The following ERCC4 variants were observed in gnomAD, a reference collection of about 807,000 sequenced individuals.
ERCC4 encodes ERCC excision repair 4, endonuclease catalytic subunit, also known as DNA repair endonuclease XPF.
In ERCC4, 65 loss-of-function variants were observed where a neutral mutation model predicts 76.9. The observed-to-expected ratio is 0.84, with a 90% CI of 0.69 to 1.04. ERCC4 has a LOEUF of 1.04. ERCC4 is among the 50% of genes least tolerant of loss of function. The probability of loss-of-function intolerance (pLI) is 0.00; values close to 1 mark genes in which losing one functional copy is unlikely to be tolerated. For synonymous variants in ERCC4, 463 were observed against 410.1 expected, an observed-to-expected ratio of 1.13 and a Z score of -1.56; for missense variants, 1,214 against 1,128.2, an observed-to-expected ratio of 1.08 and a Z score of -1.09.
In ERCC4 at chr16:13,947,847, T is replaced by C; in HGVS notation, c.2251T>C (p.Tyr751His). 1 of 1,614,212 alleles carries C rather than the reference T, an allele frequency of 6.2e-7. No individual in the cohort carries two copies. Among genetic ancestry groups the C allele is most frequent in the South Asian group, 1.1e-5 (1 of 91,080 alleles). ...CAGCCAGTGCATCTCCATGTCCCGCTACTACAAGCGTCCCGTGCTTCTGAT... is the reference window on the plus strand; with the variant it reads ...CAGCCAGTGCATCTCCATGTCCCGCCACTACAAGCGTCCCGTGCTTCTGAT... Reference protein sequence around the residue: ...LYSQCISMSRYYKRPVLLIEF... With the variant: ...LYSQCISMSRHYKRPVLLIEF... The change falls in exon 11 of 11, where the codon TAC becomes CAC. Residue 751 changes from tyrosine to histidine, a missense_variant. Coordinates refer to ENST00000311895, the MANE Select transcript of ERCC4 (RefSeq NM_005236.3).
chr16:13,922,789 T>TG, intron 2 of ERCC4: 1 of 213,088 alleles, frequency 4.7e-6, no homozygotes, highest in South Asian at 7.1e-5. Context: ...ATCCTTTTGT[T>TG]CAACATTATG....
At chr16:13,922,500 G>A (rs1384349247) in intron 2 of ERCC4, 12 of 747,432 alleles carry the variant, frequency 1.6e-5, no homozygotes, top group Admixed American at 5.2e-5. Context: ...GCACATAGGC[G>A]TCGAAGATGC....
At chr16:13,935,064 T>C in intron 7 of ERCC4, 82 bp from the exon 8 acceptor site, 1 of 1,046,514 alleles carries the variant, frequency 9.6e-7, no homozygotes, top group Non-Finnish European at 1.5e-6. Flanking sequence ...TGTCTTCCCT[T>C]CGGGTGAAGG....
At position 13,947,693 on chromosome 16, in the gene ERCC4, C is replaced by G. The variant is rs556423345; in HGVS notation, c.2097C>G (p.Ile699Met). The change falls in exon 11 of 11, where the codon ATC (isoleucine) becomes ATG (methionine). Residue 699 changes from isoleucine (I) to methionine (M), a missense_variant. Ile to Met is a conservative substitution (Grantham distance 10). Coordinates refer to ENST00000311895, the MANE Select transcript of ERCC4 (RefSeq NM_005236.3). ...REFRSELPSL[I>M]HRRGIDIEPV... The stretch of plus-strand genomic sequence containing the variant: ...TTCGAAGTGAGCTTCCATCTCTGAT[C>G]CATCGTCGGGGCATTGACATTGAAC... 6 of 1,614,222 alleles carry G rather than the reference C, an allele frequency of 3.7e-6. No homozygotes were observed. The highest frequency in any genetic ancestry group is 1.7e-5 in the Admixed American group (1 of 60,032).
At chr16:13,944,027 C>T (rs1269824047) in intron 9 of ERCC4, 3 of 152,468 alleles carry the variant, frequency 2.0e-5, no homozygotes, top group African/African-American at 7.2e-5. Context: ...TGCGTGATCA[C>T]GATTATATCC....
rs1023910862 is a variant in ERCC4, at chr16:13,951,790, G to A, written c.*3443G>A. The A allele has an allele frequency of 4.5e-5, 10 of 221,522 alleles. No homozygotes were observed. The highest frequency in any genetic ancestry group is 1.7e-4 in the Admixed American group (3 of 17,338). 13.7% of individuals were successfully genotyped at this position (221,522 alleles called of 1,614,324 possible). A position where few individuals can be genotyped will look rare whatever the true frequency, so the allele number is the denominator to read the frequency against. On this transcript the variant is annotated 3_prime_UTR_variant, in exon 11 of 11. Coordinates refer to ENST00000311895, the MANE Select transcript of ERCC4 (RefSeq NM_005236.3). The stretch of plus-strand genomic sequence containing the variant: ...ACTGGTCTTTCCTTTTGTTTTGCAA[G>A]CATAATTTGATTTTCCTTTGGCTCA...
rs185626419 is a variant in ERCC4, at chr16:13,949,633, A to G, written c.*1286A>G. The G allele has an allele frequency of 2.1e-4, 50 of 232,860 alleles. No homozygotes were observed. The highest frequency in any genetic ancestry group is 1.0e-3 in the African/African-American group (46 of 45,456). 14.4% of individuals were successfully genotyped at this position (232,860 alleles called of 1,614,324 possible). ...ATATAAAAATACGAAAGAAATATAT[A>G]CGTTTAAAAATCCATAAAGAAAAAA... On this transcript the variant is annotated 3_prime_UTR_variant, in exon 11 of 11. Transcript: ENST00000311895.
At chr16:13,924,090 A>T (rs917002025) in intron 2 of ERCC4, among the ~76,000 whole-genome samples, 1 of 152,208 alleles carries the variant, frequency 6.6e-6, no homozygotes, top group Non-Finnish European at 1.5e-5. Context: ...GCTGAGTGGA[A>T]TGTAAATGAA....
At position 13,932,196 on chromosome 16, in the gene ERCC4, A is replaced by G; in HGVS notation, c.1013A>G (p.Asn338Ser). 6.2e-7 allele frequency: 1 copy of G among 1,613,536 alleles called. No homozygotes were observed. Among genetic ancestry groups the G allele is most frequent in the Non-Finnish European group, 8.5e-7 (1 of 1,179,458 alleles). The change falls in exon 6 of 11, where the codon AAT becomes AGT. Residue 338 changes from asparagine (N) to serine (S), a missense_variant. Coordinates refer to ENST00000311895, the MANE Select transcript of ERCC4 (RefSeq NM_005236.3). ...FLDSSTSMFINARARVYHLPD... is the reference protein window; with the variant it reads ...FLDSSTSMFISARARVYHLPD... ...GACTCCAGCACCTCGATGTTTATAA[A>G]TGCTCGAGCAAGGGTTTATCATCTT...
At chr16:13,930,281 T>C (rs897215936) in intron 4 of ERCC4, among the ~76,000 whole-genome samples, 4 of 152,086 alleles carry the variant, frequency 2.6e-5, no homozygotes, top group African/African-American at 9.7e-5. Context: ...CCCATGTCTT[T>C]ATCCATCCAG....
At chr16:13,933,904 A>G in intron 6 of ERCC4, 1 of 328,268 alleles carries the variant, frequency 3.0e-6, no homozygotes, top group Non-Finnish European at 5.7e-6. Flanking sequence ...AGCTGCTTAT[A>G]TATAGTGTCA....
At chr16:13,944,588 A>G (rs1480984456) in intron 9 of ERCC4, 135 bp from the exon 10 acceptor site, 2 of 694,662 alleles carry the variant, frequency 2.9e-6, no homozygotes, top group Non-Finnish European at 5.3e-6. Flanking sequence ...CTTCTAATAT[A>G]TTCCTTGTTT....
At position 13,935,303 on chromosome 16, in the gene ERCC4, C is replaced by T; in HGVS notation, c.1371C>T (p.Asp457=). The change falls in exon 8 of 11, where the codon GAC becomes GAT. Residue 457 remains aspartate (D), a synonymous_variant. Transcript: ENST00000311895. ...TCTGGATGAAATTTAGGAAGGAAGA[C>T]AGTTCAAAGAGAATTAGGAAATCTC... ...EEVWMKFRKE[D]SSKRIRKSHK... 1 of 1,614,004 alleles carries T rather than the reference C, an allele frequency of 6.2e-7. No individual in the cohort carries two copies. The highest frequency in any genetic ancestry group is 1.1e-5 in the South Asian group (1 of 91,080).
chr16:13,929,499 C>A (rs1387293440), intron 4 of ERCC4, among the ~76,000 whole-genome samples: 1 of 152,178 alleles, frequency 6.6e-6, no homozygotes, highest in African/African-American at 2.4e-5. Flanking sequence ...TGCAATGGTA[C>A]TGCTTTTATA....
intron 3 of ERCC4, chr16:13,927,707 A>T (rs538908122): frequency 2.9e-6 from 1 of 350,428 alleles, no homozygotes; most frequent in Non-Finnish European, 5.4e-6. Context: ...CAATTACTCA[A>T]CTCTGTTATT....
Position 13,928,241 on chromosome 16 carries a change from C to CT in ERCC4, c.792+11dup, listed in dbSNP as rs754843955. 2 of 1,573,650 alleles carry CT rather than the reference C, an allele frequency of 1.3e-6. No homozygotes were observed. The highest frequency in any genetic ancestry group is 1.1e-5 in the South Asian group (1 of 90,206). On this transcript the variant is annotated splice_region_variant and intron_variant, in intron 4 of 10. Transcript: ENST00000311895. ...TTGGAAAACCTTTTGACAAGGTACT[C>CT]TTTTTCCTTTTAAGCACAGTTTATT...
intron 10 of ERCC4, among the ~76,000 whole-genome samples, chr16:13,947,250 G>A (rs528498301): frequency 7.1e-4 from 108 of 152,270 alleles, no homozygotes; most frequent in South Asian, 2.1e-3. Context: ...TACTGGGGCC[G>A]CTATTTTAAG....
rs146601373 is a variant in ERCC4 at position 13,935,420 on chromosome 16, A to G, written c.1488A>G (p.Gln496=). The G allele has an allele frequency of 2.5e-6, 4 of 1,613,606 alleles. No homozygotes were observed. Among genetic ancestry groups the G allele is most frequent in the South Asian group, 2.2e-5 (2 of 90,838 alleles). Residue 496 remains glutamine (Q), a synonymous_variant, in exon 8 of 11, where the codon CAA becomes CAG. Coordinates refer to ENST00000311895, the MANE Select transcript of ERCC4 (RefSeq NM_005236.3). ...KKKKRKLTLT[Q]MVGKPEELEE... is the part of the protein sequence containing the mutation. ...AAAAACGGAAGTTGACCTTAACTCA[A>G]ATGGTAGGAAAACCTGAAGAACTGG...
chr16:13,922,332 C>T (rs2031994558), intron 2 of ERCC4, 121 bp downstream of exon 2: 2 of 807,046 alleles, frequency 2.5e-6, no homozygotes, highest in African/African-American at 1.7e-5. Context: ...ACTCAGCTCC[C>T]TACATCACCT....
Sources: allele counts gnomAD v4.1 joint callset (sites outside exome capture counted in the v4.1 genomes callset), GRCh38; gene constraint gnomAD v4.1.1; transcripts MANE v1.5; gene names NCBI Gene and HGNC (gene_info 2026-07-23, HGNC 2026-07-21).